DAB1: variants seen among roughly 807,000 people sequenced by gnomAD.
DAB1 encodes the protein disabled homolog 1.
A neutral mutation model predicts 64.6 loss-of-function variants in DAB1; 15 were observed. The observed-to-expected ratio is 0.23, with a 90% CI of 0.16 to 0.36. The LOEUF (loss-of-function observed/expected upper bound fraction) is 0.36. Ranked by LOEUF, DAB1 falls within the 10% of genes least tolerant of loss-of-function variation. The pLI, the probability that DAB1 is intolerant of heterozygous loss-of-function variation, is 1.00. For synonymous variants in DAB1, 235 were observed against 251.9 expected, an observed-to-expected ratio of 0.93 and a Z score of 0.64; for missense variants, 596 against 706.7, an observed-to-expected ratio of 0.84 and a Z score of 1.78.
At chr1:57,984,936 T>C (rs2100354581) in intron 5 of DAB1, among the ~76,000 whole-genome samples, 1 of 150,938 alleles carries the variant, frequency 6.6e-6, no homozygotes, top group South Asian at 2.1e-4. Context: ...TGAGATGGAG[T>C]CTCACTCTGT....
At chr1:58,440,520 A>G (rs1211733067) in intron 3 of DAB1, among the ~76,000 whole-genome samples, 1 of 152,252 alleles carries the variant, frequency 6.6e-6, no homozygotes, top group African/African-American at 2.4e-5. Flanking sequence ...TTGGATCTTG[A>G]CATTTTCCTT....
At chr1:57,189,147 C>T (rs1663886216) in intron 2 of DAB1, among the ~76,000 whole-genome samples, 2 of 152,112 alleles carry the variant, frequency 1.3e-5, no homozygotes, top group African/African-American at 2.4e-5. Context: ...TCCTCTTTTC[C>T]TACCCCTTGC....
intron 7 of DAB1, among the ~76,000 whole-genome samples, chr1:57,607,346 ATC>A (rs1479886321): frequency 3.9e-5 from 6 of 152,154 alleles, no homozygotes; most frequent in African/African-American, 1.4e-4. Flanking sequence ...TGACGCCTTC[ATC>A]TTTTTTGTGC....
At chr1:58,534,249 A>G in intron 1 of DAB1, 1 of 871,880 alleles carries the variant, frequency 1.1e-6, no homozygotes, top group Non-Finnish European at 2.0e-6. Context: ...ATTGCATTCA[A>G]TTAGATGACA....
chr1:57,542,919 G>T (rs1211550020), intron 7 of DAB1, among the ~76,000 whole-genome samples: 1 of 152,142 alleles, frequency 6.6e-6, no homozygotes, highest in Middle Eastern at 3.2e-3. Context: ...CCCACTCTCA[G>T]ATCACTTGCT....
intron 3 of DAB1, among the ~76,000 whole-genome samples, chr1:58,427,971 G>GA (rs1367344310): frequency 4.6e-5 from 7 of 152,238 alleles, no homozygotes; most frequent in Admixed American, 3.9e-4. Context: ...TAATGAAACT[G>GA]AAAAATATAT....
chr1:57,781,122 CTCTCTATATATATATATATATA>C (rs1263957120), intron 6 of DAB1, among the ~76,000 whole-genome samples: 59 of 43,872 alleles, frequency 1.3e-3, no homozygotes, highest in African/African-American at 5.8e-3. Flanking sequence ...CTCTCTCTCT[CTCTCTATATATATATATATATA>C]TATATATATA....
chr1:58,148,671 C>A (rs1464279102), intron 5 of DAB1, among the ~76,000 whole-genome samples: 7 of 152,112 alleles, frequency 4.6e-5, no homozygotes, highest in Non-Finnish European at 1.0e-4. Context: ...AAAGGCATGT[C>A]TTACATGGTG....
chr1:57,308,548 T>C (rs1056438551), intron 1 of DAB1, among the ~76,000 whole-genome samples: 6 of 152,180 alleles, frequency 3.9e-5, no homozygotes, highest in Non-Finnish European at 5.9e-5. Flanking sequence ...AAAAACCCAA[T>C]ATGTTTTAAA....
intron 1 of DAB1, among the ~76,000 whole-genome samples, chr1:57,407,915 G>T (rs1029367437): frequency 6.6e-6 from 1 of 152,128 alleles, no homozygotes; most frequent in Admixed American, 6.6e-5. Context: ...TAAATGTCCA[G>T]CATTTAAATG....
chr1:57,249,118 T>G (rs1349303999), intron 2 of DAB1, among the ~76,000 whole-genome samples: 1 of 152,184 alleles, frequency 6.6e-6, no homozygotes, highest in Non-Finnish European at 1.5e-5. Context: ...TTCCAAGTGT[T>G]TTTTTGCCAG....
intron 7 of DAB1, among the ~76,000 whole-genome samples, chr1:57,552,510 T>C (rs1415043582): frequency 6.6e-6 from 1 of 152,200 alleles, no homozygotes; most frequent in African/African-American, 2.4e-5. Flanking sequence ...GTATAGTTCC[T>C]GGAAGATAGG....
intron 2 of DAB1, among the ~76,000 whole-genome samples, chr1:57,209,753 C>T (rs865816603): frequency 3.3e-5 from 5 of 152,110 alleles, no homozygotes; most frequent in South Asian, 2.1e-4. Flanking sequence ...CATAATACTT[C>T]GCCCTCTCCC....
At chr1:57,736,757 C>A (rs923180292) in intron 6 of DAB1, among the ~76,000 whole-genome samples, 2 of 152,134 alleles carry the variant, frequency 1.3e-5, no homozygotes, top group African/African-American at 4.8e-5. Flanking sequence ...CCCTCCCTCT[C>A]TCACTCTTTC....
intron 7 of DAB1, among the ~76,000 whole-genome samples, chr1:57,537,108 G>A (rs1244569666): frequency 6.6e-6 from 1 of 152,206 alleles, no homozygotes; most frequent in Non-Finnish European, 1.5e-5. Flanking sequence ...GACTGTGTTA[G>A]ATAAAATACG....
chr1:57,151,136 A>G (rs1659632158), intron 2 of DAB1, among the ~76,000 whole-genome samples: 2 of 152,218 alleles, frequency 1.3e-5, no homozygotes, highest in Admixed American at 1.3e-4. Context: ...ATCATGAAGC[A>G]TCTTGGAAGC....
intron 1 of DAB1, among the ~76,000 whole-genome samples, chr1:57,410,898 A>G (rs1231170430): frequency 6.6e-6 from 1 of 152,202 alleles, no homozygotes; most frequent in Non-Finnish European, 1.5e-5. Context: ...CATGTGAGAG[A>G]AGGGGAAAGG....
chr1:58,181,524 C>T (rs1421605456), intron 4 of DAB1, among the ~76,000 whole-genome samples: 2 of 151,970 alleles, frequency 1.3e-5, no homozygotes, highest in Non-Finnish European at 2.9e-5. Flanking sequence ...TCCTTAATTG[C>T]CTTCTTCTGT....
At chr1:57,425,436 G>A (rs56205269), upstream of DAB1, among the ~76,000 whole-genome samples, 22,035 of 151,948 alleles carry the variant, frequency 0.15, 3,392 homozygotes, top group African/African-American at 0.39. Context: ...CAGAGTCAAT[G>A]GGCTAAAAAT....
Sources: allele counts gnomAD v4.1 joint callset (sites outside exome capture counted in the v4.1 genomes callset), GRCh38; gene constraint gnomAD v4.1.1; transcripts MANE v1.5; gene names NCBI Gene and HGNC (gene_info 2026-07-23, HGNC 2026-07-21).